Variants in AGK observed in about 807,000 individuals in gnomAD.
The protein encoded by AGK is acylglycerol kinase.
A neutral mutation model predicts 66.4 loss-of-function variants in AGK; 52 were observed. The observed-to-expected ratio is 0.78, with a 90% CI of 0.63 to 0.99. The LOEUF (loss-of-function observed/expected upper bound fraction) is 0.99. Ranked by LOEUF, AGK falls within the 50% of genes least tolerant of loss-of-function variation. The pLI, the probability that AGK is intolerant of heterozygous loss-of-function variation, is 0.00. For missense variants in AGK, 451 were observed against 506.6 expected, an observed-to-expected ratio of 0.89 and a Z score of 1.05; for synonymous variants, 182 against 181.1, an observed-to-expected ratio of 1.00 and a Z score of -0.04.
intron 5 of AGK, among the ~76,000 whole-genome samples, chr7:141,605,353 G>T (rs1166728239): frequency 1.3e-5 from 2 of 152,068 alleles, no homozygotes; most frequent in Non-Finnish European, 2.9e-5. Context: ...TTGGGTCCTG[G>T]TTTATAGTGG....
intron 5 of AGK, among the ~76,000 whole-genome samples, chr7:141,610,975 C>A (rs1377075892): frequency 1.3e-5 from 2 of 152,150 alleles, no homozygotes; most frequent in South Asian, 4.1e-4. Context: ...AAGTATGGAG[C>A]TGACTAGATG....
At chr7:141,575,037 A>T (rs1234383490) in intron 2 of AGK, among the ~76,000 whole-genome samples, 1 of 152,372 alleles carries the variant, frequency 6.6e-6, no homozygotes, top group East Asian at 1.9e-4. Flanking sequence ...GGTTAGGTTT[A>T]GCTGGGCTTT....
intron 13 of AGK, among the ~76,000 whole-genome samples, chr7:141,648,788 G>A (rs377220428): frequency 6.6e-6 from 1 of 152,174 alleles, no homozygotes; most frequent in Non-Finnish European, 1.5e-5. Flanking sequence ...TCCAACTCTG[G>A]TTGCACACCA....
intron 10 of AGK, among the ~76,000 whole-genome samples, chr7:141,636,363 A>G (rs751754369): frequency 6.6e-6 from 1 of 152,186 alleles, no homozygotes; most frequent in Non-Finnish European, 1.5e-5. Flanking sequence ...CACTTGACCC[A>G]TTGTATCCAT....
chr7:141,569,714 AG>A (rs1352356262), intron 2 of AGK, among the ~76,000 whole-genome samples: 2 of 152,166 alleles, frequency 1.3e-5, no homozygotes, highest in African/African-American at 4.8e-5. Context: ...GAAGAAACTT[AG>A]GGGCAGCAAG....
chr7:141,648,914 G>C (rs1248327130), intron 13 of AGK, among the ~76,000 whole-genome samples: 1 of 152,066 alleles, frequency 6.6e-6, no homozygotes, highest in Non-Finnish European at 1.5e-5. Context: ...TGCTGGGATG[G>C]GCTGAAAGCT....
At chr7:141,562,540 G>T (rs1278013960) in intron 2 of AGK, among the ~76,000 whole-genome samples, 2 of 152,184 alleles carry the variant, frequency 1.3e-5, no homozygotes, top group South Asian at 2.1e-4. Flanking sequence ...CCACAGTAGG[G>T]TATGGGGAGG....
At chr7:141,614,119 A>T in intron 6 of AGK, 27 bp from the exon 7 acceptor site, 2 of 1,464,782 alleles carry the variant, frequency 1.4e-6, no homozygotes, top group Non-Finnish European at 9.4e-7. Context: ...TATTATTTAT[A>T]ACAATGTTTT....
At position 141,598,247 on chromosome 7, in the gene AGK, CT is replaced by C. The variant is rs1321163587; in HGVS notation, c.221+1607del. Among the ~76,000 whole-genome samples the C allele has an allele frequency of 1.3e-5, 2 of 152,172 alleles. No individual in the cohort carries two copies. The highest frequency in any genetic ancestry group is 2.9e-5 in the Non-Finnish European group (2 of 68,038). On this transcript the variant is annotated intron_variant, in intron 4 of 15. Transcript: ENST00000649286. The surrounding 1 kb of genome is among the most constrained non-coding windows in gnomAD (Gnocchi z 4.2). Reference sequence around the variant, plus strand: ...GCTGGGCTTTGTTAGAGCCGCTTCCCTCCCCCATAAACGCACCAGTCATAAT... The same window carrying C: ...GCTGGGCTTTGTTAGAGCCGCTTCCCCCCCCATAAACGCACCAGTCATAAT...
rs531901093 is a variant in AGK, at chr7:141,560,272, G to GT, written c.101+4716dup. ...CTTTTCCTTTTGTTGCCCTCCCTCC[G>GT]TTTTTTTTTTTGCCTATATATCCCC... On this transcript the variant is annotated intron_variant, in intron 2 of 15. Transcript: ENST00000649286. Among the ~76,000 whole-genome samples, 1,092 of 141,542 alleles carry GT rather than the reference G, an allele frequency of 7.7e-3. 6 individuals carry two copies. Among genetic ancestry groups the GT allele is most frequent in the East Asian group, 9.3e-3 (46 of 4,930 alleles). 92.9% of individuals were successfully genotyped at this position (141,542 alleles called of 152,430 possible).
intron 2 of AGK, among the ~76,000 whole-genome samples, chr7:141,585,542 C>G (rs1470542333): frequency 1.3e-5 from 2 of 152,084 alleles, no homozygotes; most frequent in Admixed American, 6.5e-5. Flanking sequence ...TTGCATGCAC[C>G]AAGGGAAAAG....
chr7:141,648,502 G>C (rs1797470908), intron 13 of AGK, among the ~76,000 whole-genome samples: 1 of 152,090 alleles, frequency 6.6e-6, no homozygotes, highest in Admixed American at 6.6e-5. Context: ...AGGCTTTAAG[G>C]CTCTCAGAGG....
chr7:141,580,512 G>A (rs568806634), intron 2 of AGK, among the ~76,000 whole-genome samples: 22 of 152,042 alleles, frequency 1.4e-4, no homozygotes, highest in Middle Eastern at 3.4e-3. Flanking sequence ...AGTCCGGACC[G>A]GGAACAATGG....
chr7:141,551,736 C>T (rs577138514), intron 1 of AGK, among the ~76,000 whole-genome samples: 1 of 152,288 alleles, frequency 6.6e-6, no homozygotes, highest in East Asian at 1.9e-4. Flanking sequence ...CTTGTGGACC[C>T]CCCTCACTTC....
chr7:141,618,482 G>A (rs1796754453), intron 8 of AGK, among the ~76,000 whole-genome samples: 1 of 152,076 alleles, frequency 6.6e-6, no homozygotes, highest in Non-Finnish European at 1.5e-5. Context: ...TAGTAAAGTG[G>A]ACTTTATTCA....
chr7:141,641,960 A>G, intron 13 of AGK, 52 bp downstream of exon 13: 3 of 1,398,248 alleles, frequency 2.1e-6, no homozygotes, highest in Non-Finnish European at 2.0e-6. Context: ...AAAAGTGACA[A>G]TAGCTATAGT....
Position 141,636,852 on chromosome 7 carries a change from A to C in AGK, c.669-108A>C, listed in dbSNP as rs116528591. 8 of 838,958 alleles carry C rather than the reference A, an allele frequency of 9.5e-6. No homozygotes were observed. In the African/African-American group the frequency reaches 1.4e-4, roughly 14 times the overall value. 52.0% of individuals were successfully genotyped at this position (838,958 alleles called of 1,614,324 possible). ...TAACCTCCTAGCTACCAGAATAGCC[A>C]CTCATAGCAGAGATGTAATTCTAAT... On this transcript the variant is annotated intron_variant, in intron 10 of 15. Transcript: ENST00000649286.
At chr7:141,628,563 G>T (rs1796989974) in intron 9 of AGK, among the ~76,000 whole-genome samples, 1 of 152,074 alleles carries the variant, frequency 6.6e-6, no homozygotes, top group Non-Finnish European at 1.5e-5. Context: ...ATAGATAAAA[G>T]AAATAGTTCT....
chr7:141,635,723 G>T (rs186371069), intron 10 of AGK, among the ~76,000 whole-genome samples: 2 of 151,870 alleles, frequency 1.3e-5, no homozygotes, highest in Admixed American at 1.3e-4. Flanking sequence ...ACTTTATTCT[G>T]TGCCATTCAT....
Sources: gnomAD v4.1 joint callset for allele counts (sites outside exome capture counted in the v4.1 genomes callset) on GRCh38, gnomAD v4.1.1 for gene constraint, Gnocchi (gnomAD v3.1) non-coding constraint, MANE v1.5 for transcripts, NCBI Gene and HGNC (gene_info 2026-07-23, HGNC 2026-07-21) for gene names.